The following MFHAS1 variants were observed in gnomAD, a reference collection of about 807,000 sequenced individuals.
The protein encoded by MFHAS1 is malignant fibrous histiocytoma-amplified sequence 1.
Under a neutral mutation model 70.4 loss-of-function variants are expected in MFHAS1, and 50 were observed. The observed-to-expected ratio is 0.71, with a 90% confidence interval of 0.57 to 0.90. The LOEUF is 0.90. Ranked by LOEUF, MFHAS1 falls within the 40% of genes least tolerant of loss-of-function variation. The probability of loss-of-function intolerance (pLI) is 0.00; values close to 1 mark genes in which losing one functional copy is unlikely to be tolerated. For missense variants in MFHAS1, 1,795 were observed against 1,347.6 expected (o/e 1.33, Z -5.20); for synonymous variants, 952 against 620.0 (o/e 1.54, Z -7.96).
At chr8:8,843,517 G>A (rs1807918512) in intron 1 of MFHAS1, among the ~76,000 whole-genome samples, 1 of 152,210 alleles carries the variant, frequency 6.6e-6, no homozygotes, top group South Asian at 2.1e-4. Flanking sequence ...GGAGGTTAAG[G>A]CCGTAGCGAG....
At chr8:8,820,908 A>G (rs188769848) in intron 1 of MFHAS1, among the ~76,000 whole-genome samples, 1 of 152,350 alleles carries the variant, frequency 6.6e-6, no homozygotes, top group Admixed American at 6.5e-5. Flanking sequence ...CACATCACAC[A>G]TTTAATGAAG....
At chr8:8,840,953 T>C (rs1020445806) in intron 1 of MFHAS1, among the ~76,000 whole-genome samples, 1 of 152,226 alleles carries the variant, frequency 6.6e-6, no homozygotes, top group African/African-American at 2.4e-5. Context: ...ATTGGATTTG[T>C]TTTAAACAAG....
chr8:8,885,297 C>T (rs578070933), intron 1 of MFHAS1, among the ~76,000 whole-genome samples: 107 of 103,998 alleles, frequency 1.0e-3, no homozygotes, highest in African/African-American at 3.9e-3. Context: ...TTGCTTTCTC[C>T]TTATTTTTTA....
intron 1 of MFHAS1, among the ~76,000 whole-genome samples, chr8:8,843,029 G>A (rs751902873): frequency 2.6e-5 from 4 of 152,174 alleles, no homozygotes; most frequent in Non-Finnish European, 5.9e-5. Flanking sequence ...ACTTTGGGAG[G>A]CCGAGGCGGG....
chr8:8,821,765 G>A lies in MFHAS1; in HGVS notation c.2999-24274C>T, dbSNP rs1585034573. On this transcript the variant is annotated intron_variant, in intron 1 of 2. Transcript: ENST00000276282. ...TCCTATTGCTATCAAACCTAGTCTAGGTGCCTAATAGTAACTTTTCCAACT... is the reference window on the plus strand; with the variant it reads ...TCCTATTGCTATCAAACCTAGTCTAAGTGCCTAATAGTAACTTTTCCAACT... 2.0e-5 allele frequency: 3 copies of A among 152,328 alleles called. No homozygotes were observed. The Middle Eastern group carries it at 0.01, about 518-fold the overall frequency. 9.4% of individuals were successfully genotyped at this position (152,328 alleles called of 1,614,324 possible). A position where few individuals can be genotyped will look rare whatever the true frequency, so the allele number is the denominator to read the frequency against.
chr8:8,832,679 A>G (rs748174009), intron 1 of MFHAS1, among the ~76,000 whole-genome samples: 16 of 116,974 alleles, frequency 1.4e-4, no homozygotes, highest in East Asian at 2.7e-4. Context: ...CCCAGGCTGG[A>G]GTGTGGTGGC....
chr8:8,861,110 A>T (rs1363458271), intron 1 of MFHAS1, among the ~76,000 whole-genome samples: 1 of 152,228 alleles, frequency 6.6e-6, no homozygotes, highest in Non-Finnish European at 1.5e-5. Context: ...CATCCACTGT[A>T]ATTTCAAGTA....
chr8:8,855,259 C>T (rs1311639826), intron 1 of MFHAS1, among the ~76,000 whole-genome samples: 7 of 152,186 alleles, frequency 4.6e-5, no homozygotes, highest in African/African-American at 1.4e-4. Context: ...AGCCGACATC[C>T]TGTATTTTAT....
At chr8:8,810,183 A>G (rs982935250) in intron 1 of MFHAS1, among the ~76,000 whole-genome samples, 2 of 152,218 alleles carry the variant, frequency 1.3e-5, no homozygotes, top group East Asian at 3.9e-4. Context: ...CCTGGCCGAC[A>G]TGGTAAAACC....
chr8:8,799,353 T>C (rs1224435080), intron 1 of MFHAS1, among the ~76,000 whole-genome samples: 5 of 152,234 alleles, frequency 3.3e-5, no homozygotes, highest in African/African-American at 1.2e-4. Context: ...TCACATGTAT[T>C]TGGACCACAG....
intron 1 of MFHAS1, among the ~76,000 whole-genome samples, chr8:8,833,007 G>T (rs28823269): frequency 1.3e-5 from 2 of 151,974 alleles, no homozygotes; most frequent in Non-Finnish European, 2.9e-5. Flanking sequence ...GCTTCTAGGA[G>T]GGCCTCAACG....
intron 1 of MFHAS1, among the ~76,000 whole-genome samples, chr8:8,802,632 T>A (rs538717206): frequency 6.6e-6 from 1 of 152,136 alleles, no homozygotes; most frequent in South Asian, 2.1e-4. Context: ...AAGGGTAGGG[T>A]ATGGAGCAGC....
In MFHAS1 at chr8:8,892,912, C is replaced by T. The variant is rs755958290; in HGVS notation, c.147G>A (p.Glu49=). The T allele has an allele frequency of 1.3e-6, 2 of 1,563,658 alleles. No homozygotes were observed. The highest frequency in any genetic ancestry group is 1.2e-5 in the South Asian group (1 of 85,038). The change falls in exon 1 of 3, where the codon GAG becomes GAA. Residue 49 remains glutamate, a synonymous_variant. Coordinates refer to ENST00000276282, the MANE Select transcript of MFHAS1 (RefSeq NM_004225.3). This position sits in a 1 kb window ranked among gnomAD's most constrained non-coding sequence, Gnocchi z 4.7. ...GCACGAGCTGGGGGGAGGCGGGGGA[C>T]TCGAGCGCGTCGGCCCCGGCCCCGG... ...ACPGAGADAL[E]SPASPQLVLP...
At chr8:8,880,905 G>T (rs1029683527) in intron 1 of MFHAS1, among the ~76,000 whole-genome samples, 1 of 151,968 alleles carries the variant, frequency 6.6e-6, no homozygotes, top group Non-Finnish European at 1.5e-5. Context: ...ACCTGTTCTC[G>T]AACTCCTGAC....
chr8:8,869,995 C>T (rs1290100122), intron 1 of MFHAS1, among the ~76,000 whole-genome samples: 1 of 152,124 alleles, frequency 6.6e-6, no homozygotes, highest in Admixed American at 6.5e-5. Context: ...CACTGCTGCC[C>T]TGAGTGTGCT....
chr8:8,812,291 C>A (rs1440127275), intron 1 of MFHAS1, among the ~76,000 whole-genome samples: 3 of 152,156 alleles, frequency 2.0e-5, no homozygotes, highest in Non-Finnish European at 4.4e-5. Context: ...TAGGGGGAGA[C>A]TGAAGCCGGC....
intron 1 of MFHAS1, among the ~76,000 whole-genome samples, chr8:8,810,617 CT>C (rs1203552972): frequency 1.3e-5 from 2 of 152,202 alleles, no homozygotes; most frequent in African/African-American, 2.4e-5. Flanking sequence ...TTTCTTTCCC[CT>C]AGCTTAGTTT....
chr8:8,819,124 C>T (rs554685165), intron 1 of MFHAS1, among the ~76,000 whole-genome samples: 2 of 150,040 alleles, frequency 1.3e-5, no homozygotes, highest in African/African-American at 4.9e-5. Context: ...AAGAATCAAA[C>T]AGCTCTCTAT....
At chr8:8,867,478 A>C (rs1449252843) in intron 1 of MFHAS1, among the ~76,000 whole-genome samples, 1 of 152,152 alleles carries the variant, frequency 6.6e-6, no homozygotes, top group African/African-American at 2.4e-5. Context: ...TTTATTATTA[A>C]TCCAACCCCA....
Sources: gnomAD v4.1 joint callset for allele counts (sites outside exome capture counted in the v4.1 genomes callset) on GRCh38, gnomAD v4.1.1 for gene constraint, Gnocchi (gnomAD v3.1) non-coding constraint, MANE v1.5 for transcripts, NCBI Gene and HGNC (gene_info 2026-07-23, HGNC 2026-07-21) for gene names.